Variants in PTPRJ observed in about 807,000 individuals in gnomAD.
PTPRJ encodes receptor-type tyrosine-protein phosphatase eta.
Under a neutral mutation model 141.3 loss-of-function variants are expected in PTPRJ, and 129 were observed. The observed-to-expected ratio is 0.91, with a 90% CI of 0.79 to 1.06. The LOEUF is 1.06. Among genes scored for constraint, PTPRJ ranks in the 50% least tolerant of loss-of-function variants. PTPRJ has a pLI of 0.00. For synonymous variants in PTPRJ, 610 were observed against 640.5 expected (o/e 0.95, Z 0.72); for missense variants, 1,601 against 1,679.7 (o/e 0.95, Z 0.82).
At chr11:48,009,626 G>A (rs1412077849) in intron 1 of PTPRJ, among the ~76,000 whole-genome samples, 1 of 152,130 alleles carries the variant, frequency 6.6e-6, no homozygotes, top group Non-Finnish European at 1.5e-5. Context: ...AGAAACAAAC[G>A]TTAGACTTGA....
At chr11:48,005,286 C>A (rs924336932) in intron 1 of PTPRJ, among the ~76,000 whole-genome samples, 13 of 151,972 alleles carry the variant, frequency 8.6e-5, no homozygotes, top group Non-Finnish European at 7.4e-5. Context: ...ACCATCACTG[C>A]TGTCTAGTTC....
chr11:48,113,954 A>G (rs942053214), intron 3 of PTPRJ, among the ~76,000 whole-genome samples: 23 of 152,206 alleles, frequency 1.5e-4, no homozygotes, highest in Admixed American at 1.3e-3. Flanking sequence ...TTTAAGAATT[A>G]CTTGTCTAAA....
At chr11:48,083,251 C>T (rs1309844633) in intron 1 of PTPRJ, among the ~76,000 whole-genome samples, 1 of 152,100 alleles carries the variant, frequency 6.6e-6, no homozygotes, top group East Asian at 1.9e-4. Flanking sequence ...CATGGTGAAA[C>T]CATATCTCTA....
chr11:48,023,275 T>TA (rs1420551169), intron 1 of PTPRJ, among the ~76,000 whole-genome samples: 1 of 152,206 alleles, frequency 6.6e-6, no homozygotes, highest in African/African-American at 2.4e-5. Context: ...CAGTGGTTCA[T>TA]ATTCTTGCTA....
chr11:48,147,517 G>T (rs576597258), intron 15 of PTPRJ, among the ~76,000 whole-genome samples: 3 of 152,316 alleles, frequency 2.0e-5, no homozygotes, highest in African/African-American at 7.2e-5. Context: ...CTCACCGTGT[G>T]CCTGCATCTG....
At chr11:48,149,649 C>CTA (rs1857433795) in intron 16 of PTPRJ, 161 bp downstream of exon 16, 1 of 566,548 alleles carries the variant, frequency 1.8e-6, no homozygotes, top group African/African-American at 2.0e-5. Flanking sequence ...TGCAAGGAAT[C>CTA]TATGTTTTAT....
At chr11:48,148,775 G>A (rs183040510) in intron 15 of PTPRJ, among the ~76,000 whole-genome samples, 9 of 152,224 alleles carry the variant, frequency 5.9e-5, no homozygotes, top group Admixed American at 5.2e-4. Flanking sequence ...GTATTCAACT[G>A]TATGACAGTA....
At chr11:48,027,937 C>G (rs1853869049) in intron 1 of PTPRJ, among the ~76,000 whole-genome samples, 1 of 150,894 alleles carries the variant, frequency 6.6e-6, no homozygotes, top group South Asian at 2.1e-4. Context: ...TTGCCTGCAT[C>G]CAGGGTCCAG....
chr11:47,990,701 T>C (rs1299454132), intron 1 of PTPRJ, among the ~76,000 whole-genome samples: 1 of 150,894 alleles, frequency 6.6e-6, no homozygotes, highest in Non-Finnish European at 1.5e-5. Flanking sequence ...TTTTTTTTTT[T>C]TGGAGACGGA....
At chr11:48,057,336 G>T (rs995878589) in intron 1 of PTPRJ, among the ~76,000 whole-genome samples, 1 of 152,214 alleles carries the variant, frequency 6.6e-6, no homozygotes, top group Admixed American at 6.5e-5. Flanking sequence ...TATGATTGGA[G>T]TTTAAACAGC....
At chr11:48,100,133 C>T (rs1292401759) in intron 1 of PTPRJ, among the ~76,000 whole-genome samples, 1 of 152,070 alleles carries the variant, frequency 6.6e-6, no homozygotes, top group Non-Finnish European at 1.5e-5. Flanking sequence ...GGGTGGCTGC[C>T]TTGGGGGCTC....
intron 15 of PTPRJ, among the ~76,000 whole-genome samples, chr11:48,148,489 G>A (rs1291160154): frequency 1.3e-5 from 2 of 151,980 alleles, no homozygotes; most frequent in African/African-American, 2.4e-5. Flanking sequence ...CCAGGCTGGA[G>A]TGCAATGGCG....
intron 1 of PTPRJ, among the ~76,000 whole-genome samples, chr11:48,000,105 T>A (rs1057358886): frequency 5.3e-5 from 8 of 151,090 alleles, no homozygotes; most frequent in Non-Finnish European, 1.2e-4. Context: ...CTGATCTGCC[T>A]GCCTTGGCCT....
intron 1 of PTPRJ, among the ~76,000 whole-genome samples, chr11:48,053,223 A>T (rs1172721959): frequency 1.1e-4 from 10 of 88,984 alleles, no homozygotes; most frequent in Middle Eastern, 4.4e-3. Flanking sequence ...TAATATATTA[A>T]ATATATTATA....
intron 19 of PTPRJ, 73 bp from the exon 20 acceptor site, chr11:48,155,728 T>C: frequency 7.6e-7 from 1 of 1,315,260 alleles, no homozygotes; most frequent in Non-Finnish European, 1.1e-6. Context: ...ATTTCATTTT[T>C]TTTTCTGTTT....
chr11:48,159,593 A>G (rs1415893430), intron 21 of PTPRJ, among the ~76,000 whole-genome samples: 1 of 152,206 alleles, frequency 6.6e-6, no homozygotes, highest in Non-Finnish European at 1.5e-5. Flanking sequence ...TGTAAATTAA[A>G]AAAAGAAAAA....
chr11:48,053,240 ATATTTATATAATATATATAATATAT>A (rs1854632837), intron 1 of PTPRJ, among the ~76,000 whole-genome samples: 1 of 88,274 alleles, frequency 1.1e-5, no homozygotes, highest in African/African-American at 5.1e-5. Flanking sequence ...TATATATAAT[ATATTTATATAATATATATAATATAT>A]TATATAAATA....
At chr11:48,002,765 A>G (rs574304210) in intron 1 of PTPRJ, among the ~76,000 whole-genome samples, 3 of 152,330 alleles carry the variant, frequency 2.0e-5, no homozygotes, top group Non-Finnish European at 4.4e-5. Flanking sequence ...CCCTGTTTTG[A>G]TAAACAGAAG....
At chr11:48,096,159 A>G (rs2134305966) in intron 1 of PTPRJ, among the ~76,000 whole-genome samples, 1 of 152,104 alleles carries the variant, frequency 6.6e-6, no homozygotes, top group Non-Finnish European at 1.5e-5. Flanking sequence ...TTAAGTGTCG[A>G]TTTTCTTTCC....
Sources: gnomAD v4.1 joint callset for allele counts (sites outside exome capture counted in the v4.1 genomes callset) on GRCh38, gnomAD v4.1.1 for gene constraint, MANE v1.5 for transcripts, NCBI Gene and HGNC (gene_info 2026-07-23, HGNC 2026-07-21) for gene names.